Variants in RANBP10 observed in about 807,000 individuals in gnomAD.
RANBP10 encodes the protein ran-binding protein 10.
RANBP10 carries 24 observed loss-of-function variants against 72.8 expected under a neutral mutation model. The observed-to-expected ratio is 0.33, with a 90% CI of 0.24 to 0.46. RANBP10 has a LOEUF of 0.46. Among genes scored for constraint, RANBP10 ranks in the 20% least tolerant of loss-of-function variants. RANBP10 has a pLI of 1.00. For synonymous variants in RANBP10, 310 were observed against 322.3 expected, an observed-to-expected ratio of 0.96 and a Z score of 0.41; for missense variants, 679 against 817.5, an observed-to-expected ratio of 0.83 and a Z score of 2.07.
At chr16:67,744,924 C>T (rs978930148) in intron 3 of RANBP10, among the ~76,000 whole-genome samples, 2 of 152,164 alleles carry the variant, frequency 1.3e-5, no homozygotes, top group African/African-American at 4.8e-5. Context: ...CCCGGGTTCA[C>T]GCCATTCTCC....
At chr16:67,786,939 G>A (rs770103433) in intron 2 of RANBP10, among the ~76,000 whole-genome samples, 9 of 148,056 alleles carry the variant, frequency 6.1e-5, no homozygotes, top group South Asian at 4.3e-4. Flanking sequence ...AAACAACAAC[G>A]AAAAAATAGA....
At chr16:67,799,517 T>G (rs573570756) in intron 2 of RANBP10, among the ~76,000 whole-genome samples, 63 of 152,182 alleles carry the variant, frequency 4.1e-4, no homozygotes, top group Non-Finnish European at 6.3e-4. Context: ...TCGATCTCCT[T>G]ACCTCGTGAT....
intron 2 of RANBP10, among the ~76,000 whole-genome samples, chr16:67,788,291 C>T (rs1388900860): frequency 1.3e-5 from 2 of 148,842 alleles, no homozygotes; most frequent in African/African-American, 4.9e-5. Context: ...CTTGCTCTGT[C>T]GCCCAGGCTG....
chr16:67,763,013 G>C (rs762222316), intron 3 of RANBP10, among the ~76,000 whole-genome samples: 1 of 152,230 alleles, frequency 6.6e-6, no homozygotes, highest in African/African-American at 2.4e-5. Flanking sequence ...AGGGCAAGAA[G>C]GACATCTGCC....
At chr16:67,737,863 C>T in intron 5 of RANBP10, 150 bp downstream of exon 5, 1 of 1,035,198 alleles carries the variant, frequency 9.7e-7, no homozygotes, top group Non-Finnish European at 1.5e-6. Flanking sequence ...AGCAAGTGCC[C>T]CTCCTGGTAC....
intron 3 of RANBP10, among the ~76,000 whole-genome samples, chr16:67,769,430 C>A (rs1447387849): frequency 9.4e-5 from 9 of 95,756 alleles, no homozygotes; most frequent in Non-Finnish European, 1.7e-4. Context: ...GGAAACGAAG[C>A]AAGACCCTGT....
intron 3 of RANBP10, among the ~76,000 whole-genome samples, chr16:67,767,263 C>T (rs1376310429): frequency 6.6e-6 from 1 of 152,054 alleles, no homozygotes; most frequent in Non-Finnish European, 1.5e-5. Context: ...GTCTACTCCA[C>T]TCCATGGATC....
intron 3 of RANBP10, among the ~76,000 whole-genome samples, chr16:67,754,042 G>C (rs1483284888): frequency 6.6e-6 from 1 of 151,616 alleles, no homozygotes; most frequent in African/African-American, 2.4e-5. Context: ...GCTGAGGCAG[G>C]AGAATGGCGT....
At chr16:67,727,493 C>G (rs2053627880) in intron 12 of RANBP10, 55 bp from the exon 13 acceptor site, 1 of 1,512,954 alleles carries the variant, frequency 6.6e-7, no homozygotes, top group Non-Finnish European at 9.0e-7. Context: ...GCTCACCCTG[C>G]TACCCGTGGC....
intron 2 of RANBP10, among the ~76,000 whole-genome samples, chr16:67,788,402 G>A (rs2054957662): frequency 1.3e-5 from 2 of 151,174 alleles, no homozygotes; most frequent in East Asian, 2.0e-4. Context: ...ATAGGCGCCC[G>A]CCACCATGCC....
At chr16:67,782,018 C>T (rs2143015400) in intron 2 of RANBP10, among the ~76,000 whole-genome samples, 1 of 152,348 alleles carries the variant, frequency 6.6e-6, no homozygotes, top group East Asian at 1.9e-4. Flanking sequence ...CTGCTGAAAC[C>T]CTGCAGTCAT....
chr16:67,791,096 CT>C (rs1286144535), intron 2 of RANBP10, among the ~76,000 whole-genome samples: 1 of 151,934 alleles, frequency 6.6e-6, no homozygotes, highest in Non-Finnish European at 1.5e-5. Context: ...TCACTGCAAC[CT>C]CTGCCTCCCG....
intron 3 of RANBP10, among the ~76,000 whole-genome samples, chr16:67,749,192 C>T (rs1270207167): frequency 6.6e-6 from 1 of 152,156 alleles, no homozygotes; most frequent in Non-Finnish European, 1.5e-5. Context: ...CAGCCCAGAC[C>T]CTGGAGCCTA....
intron 2 of RANBP10, among the ~76,000 whole-genome samples, chr16:67,781,427 G>A (rs544505567): frequency 1.6e-4 from 25 of 152,190 alleles, no homozygotes; most frequent in Admixed American, 3.9e-4. Context: ...CCCGGAGCAG[G>A]TGACTAGAAT....
At chr16:67,749,662 A>G (rs1470385580) in intron 3 of RANBP10, among the ~76,000 whole-genome samples, 2 of 152,190 alleles carry the variant, frequency 1.3e-5, no homozygotes, top group African/African-American at 4.8e-5. Context: ...TTGACCTCAG[A>G]GAAATAGCTC....
At chr16:67,734,713 T>C (rs2053805086) in intron 6 of RANBP10, 145 bp downstream of exon 6, 1 of 805,516 alleles carries the variant, frequency 1.2e-6, no homozygotes. Context: ...GCAGGAGAGC[T>C]GCAGGCTGAA....
intron 6 of RANBP10, among the ~76,000 whole-genome samples, chr16:67,733,702 G>T (rs1315808206): frequency 6.6e-6 from 1 of 152,220 alleles, no homozygotes; most frequent in Non-Finnish European, 1.5e-5. Flanking sequence ...GCTGGACATG[G>T]TAGCACATGC....
intron 2 of RANBP10, among the ~76,000 whole-genome samples, chr16:67,774,646 T>C (rs2054665786): frequency 6.6e-6 from 1 of 152,144 alleles, no homozygotes; most frequent in Non-Finnish European, 1.5e-5. Context: ...ATTCCACCTC[T>C]AGGTGTCAAT....
intron 3 of RANBP10, among the ~76,000 whole-genome samples, chr16:67,769,464 T>TAAAAAAAAAAAAAAA (rs1353210626): frequency 4.4e-4 from 4 of 9,182 alleles, no homozygotes; most frequent in Admixed American, 9.7e-4. Flanking sequence ...AAAAAAAAAG[T>TAAAAAAAAAAAAAAA]GCTGGGCGCA....
Sources: gnomAD v4.1 joint callset for allele counts (sites outside exome capture counted in the v4.1 genomes callset) on GRCh38, gnomAD v4.1.1 for gene constraint, MANE v1.5 for transcripts, NCBI Gene and HGNC (gene_info 2026-07-23, HGNC 2026-07-21) for gene names.